Variants in RPS6KA6 observed in about 807,000 individuals in gnomAD.
RPS6KA6 encodes ribosomal protein S6 kinase A6, also known as ribosomal protein S6 kinase alpha-6.
In RPS6KA6, 27 loss-of-function variants were observed where a neutral mutation model predicts 65.4. The ratio of observed to expected loss-of-function variants is 0.41; its 90% CI spans 0.30 to 0.57. The LOEUF (loss-of-function observed/expected upper bound fraction) is 0.57, where lower values mean the gene tolerates loss of function less well. Among genes scored for constraint, RPS6KA6 ranks in the 20% least tolerant of loss-of-function variants. RPS6KA6 has a pLI of 0.24. For synonymous variants in RPS6KA6, 190 were observed against 184.2 expected, an observed-to-expected ratio of 1.03 and a Z score of -0.26; for missense variants, 486 against 555.6, an observed-to-expected ratio of 0.87 and a Z score of 1.26.
intron 6 of RPS6KA6, among the ~76,000 whole-genome samples, chrX:84,144,079 C>T (rs2035154576): frequency 9.0e-6 from 1 of 110,800 alleles, no homozygotes; most frequent in Non-Finnish European, 1.9e-5. Context: ...AACTACAAAA[C>T]CTCTAGAAAA....
At chrX:84,131,996 T>C (rs187991381) in intron 8 of RPS6KA6, among the ~76,000 whole-genome samples, 26 of 112,057 alleles carry the variant, frequency 2.3e-4, no homozygotes, top group Non-Finnish European at 4.5e-4. Flanking sequence ...AAAAACTACA[T>C]AGAATTATTT....
chrX:84,079,794 G>C (rs1304111336), intron 20 of RPS6KA6, among the ~76,000 whole-genome samples: 2 of 112,390 alleles, frequency 1.8e-5, no homozygotes, highest in Non-Finnish European at 3.8e-5. Context: ...TCTCTAAGCA[G>C]AGCATCTCTG....
At chrX:84,095,860 A>C (rs1191451419) in intron 20 of RPS6KA6, among the ~76,000 whole-genome samples, 1 of 111,925 alleles carries the variant, frequency 8.9e-6, no homozygotes, top group East Asian at 2.8e-4. Flanking sequence ...GCTAAAAGAA[A>C]ATGATATGGA....
chrX:84,155,652 G>A (rs756630515), intron 3 of RPS6KA6, among the ~76,000 whole-genome samples: 9 of 111,891 alleles, frequency 8.0e-5, no homozygotes, highest in African/African-American at 1.6e-4. Context: ...GATGACAGAC[G>A]AATTCATACA....
In RPS6KA6 at chrX:84,174,659, C is replaced by T. The variant is rs147847920; in HGVS notation, c.82-10272G>A. Among the ~76,000 whole-genome samples the T allele has an allele frequency of 6.8e-3, 761 of 111,856 alleles. 5 individuals carry two copies. The highest frequency in any genetic ancestry group is 0.032 in the South Asian group (85 of 2,673). ...AATTACCTGTGCTTTTGAATGTCAA[C>T]TCATCTTTATCAAGACTCAACGTTA... On this transcript the variant is annotated intron_variant, in intron 1 of 21. Coordinates refer to ENST00000262752, the MANE Select transcript of RPS6KA6 (RefSeq NM_014496.5).
In RPS6KA6 at chrX:84,061,326, G is replaced by A. The variant is rs1476009414; in HGVS notation, c.*2951C>T. 1 of 112,116 alleles carries A rather than the reference G, an allele frequency of 8.9e-6. No homozygotes were observed. The highest frequency in any genetic ancestry group is 9.4e-5 in the Admixed American group (1 of 10,628). 9.2% of individuals were successfully genotyped at this position (112,116 alleles called of 1,213,427 possible). On this transcript the variant is annotated 3_prime_UTR_variant, in exon 22 of 22. Coordinates refer to ENST00000262752, the MANE Select transcript of RPS6KA6 (RefSeq NM_014496.5). ...AATGGGCAGACATTATAAATACCAA[G>A]CATCTGTTCTTAAGGTTGTGGGTTG...
At chrX:84,107,205 A>T (rs908352029) in intron 13 of RPS6KA6, among the ~76,000 whole-genome samples, 165 bp from the exon 14 acceptor site, 1 of 111,675 alleles carries the variant, frequency 9.0e-6, no homozygotes, top group African/African-American at 3.2e-5. Context: ...TACATGCTCC[A>T]TTTTAGTCAG....
At chrX:84,141,936 G>A (rs992508903) in intron 6 of RPS6KA6, among the ~76,000 whole-genome samples, 2 of 111,363 alleles carry the variant, frequency 1.8e-5, no homozygotes, top group African/African-American at 6.5e-5. Context: ...GTAAAAAGGT[G>A]TCAATCCTTG....
intron 2 of RPS6KA6, among the ~76,000 whole-genome samples, chrX:84,157,823 C>A (rs1274144293): frequency 9.0e-6 from 1 of 110,718 alleles, no homozygotes; most frequent in Non-Finnish European, 1.9e-5. Flanking sequence ...TTTCACCAAA[C>A]CTAAGCAGGT....
At position 84,104,551 on chromosome X, in the gene RPS6KA6, C is replaced by G. The variant is rs775651382; in HGVS notation, c.1562G>C (p.Ser521Thr). 8.4e-7 allele frequency: 1 copy of G among 1,187,414 alleles called. No individual in the cohort carries two copies. Among genetic ancestry groups the G allele is most frequent in the Non-Finnish European group, 1.1e-6 (1 of 880,945 alleles). The change falls in exon 17 of 22, where the codon AGT becomes ACT. Residue 521 changes from serine (S) to threonine (T), a missense_variant. Coordinates refer to ENST00000262752, the MANE Select transcript of RPS6KA6 (RefSeq NM_014496.5). ...CTTACTTATTACATATAGTATATCA[C>G]TAGCCTCCCGTTCCGAGAAACATTT... ...KQKCFSEREASDILYVISKTV... is the reference protein window; with the variant it reads ...KQKCFSEREATDILYVISKTV...
chrX:84,079,645 G>T (rs1429795490), intron 20 of RPS6KA6, among the ~76,000 whole-genome samples: 1 of 110,991 alleles, frequency 9.0e-6, no homozygotes, highest in Non-Finnish European at 1.9e-5. Flanking sequence ...TGGGGGGAGG[G>T]GCGTCCACCA....
intron 12 of RPS6KA6, among the ~76,000 whole-genome samples, chrX:84,114,319 CT>C (rs1419806166): frequency 2.7e-5 from 3 of 110,093 alleles, no homozygotes; most frequent in Non-Finnish European, 3.8e-5. Context: ...GAGACCTCAT[CT>C]TTACCAAAAA....
chrX:84,067,784 C>A (rs1374120887), intron 20 of RPS6KA6, among the ~76,000 whole-genome samples: 1 of 111,155 alleles, frequency 9.0e-6, no homozygotes, highest in Non-Finnish European at 1.9e-5. Context: ...TAAGATACTC[C>A]TTGAGAAGAG....
At chrX:84,187,671 A>G in intron 1 of RPS6KA6, 148 bp downstream of exon 1, 3 of 485,246 alleles carry the variant, frequency 6.2e-6, no homozygotes, top group South Asian at 7.9e-5. Flanking sequence ...CCCGCTCCCC[A>G]GCGAAAGGGC....
chrX:84,064,364 C>T lies in RPS6KA6; in HGVS notation c.2151G>A (p.Lys717=), dbSNP rs2033352839. Residue 717 remains lysine (K), a synonymous_variant, in exon 22 of 22, where the codon AAG becomes AAA. Transcript: ENST00000262752. ...CAGGCTCTAGGACTGGTTGAAAGGT[C>T]TTGTGAGTCAGGGCAGAGTATGTTG... The part of the protein sequence containing the change: ...MVATYSALTH[K]TFQPVLEPVA... 1.7e-6 allele frequency: 2 copies of T among 1,206,501 alleles called. No homozygotes were observed.
At chrX:84,140,004 G>A (rs1400536717) in intron 6 of RPS6KA6, among the ~76,000 whole-genome samples, 1 of 111,751 alleles carries the variant, frequency 8.9e-6, no homozygotes, top group Non-Finnish European at 1.9e-5. Flanking sequence ...TCACAGGATG[G>A]AGTATTAGAG....
At chrX:84,142,263 A>G (rs2035119196) in intron 6 of RPS6KA6, among the ~76,000 whole-genome samples, 1 of 111,750 alleles carries the variant, frequency 8.9e-6, no homozygotes, top group Admixed American at 9.5e-5. Context: ...AGACTTCTAA[A>G]TATCAATGGG....
intron 2 of RPS6KA6, among the ~76,000 whole-genome samples, chrX:84,157,194 T>C (rs2035430222): frequency 1.8e-5 from 2 of 111,367 alleles, no homozygotes; most frequent in Non-Finnish European, 3.8e-5. Flanking sequence ...ATAACTTCCA[T>C]GGAATATAGG....
In RPS6KA6 at chrX:84,061,020, G is replaced by C. The variant is rs1363207055; in HGVS notation, c.*3257C>G. Reference sequence around the variant, plus strand: ...AGGAACAAGGAGTAAGGATCACACAGAATCCTTCTGGGGATAGGGTAAATT... The same window carrying C: ...AGGAACAAGGAGTAAGGATCACACACAATCCTTCTGGGGATAGGGTAAATT... On this transcript the variant is annotated 3_prime_UTR_variant, in exon 22 of 22. Transcript: ENST00000262752. 4 of 112,317 alleles carry C rather than the reference G, an allele frequency of 3.6e-5. No homozygotes were observed. Among genetic ancestry groups the C allele is most frequent in the Non-Finnish European group, 7.5e-5 (4 of 53,223 alleles). 9.3% of individuals were successfully genotyped at this position (112,317 alleles called of 1,213,427 possible).
Sources: gnomAD v4.1 joint callset for allele counts (sites outside exome capture counted in the v4.1 genomes callset) on GRCh38, gnomAD v4.1.1 for gene constraint, MANE v1.5 for transcripts, NCBI Gene and HGNC (gene_info 2026-07-23, HGNC 2026-07-21) for gene names.